Variants in ASTN2 observed in about 807,000 individuals in gnomAD.
ASTN2 encodes the protein astrotactin 2, also known as astrotactin-2.
Under a neutral mutation model 139.8 loss-of-function variants are expected in ASTN2, and 54 were observed. The observed-to-expected ratio is 0.39, with a 90% confidence interval of 0.31 to 0.48. The LOEUF (loss-of-function observed/expected upper bound fraction) is 0.48. ASTN2 is among the 20% of genes least tolerant of loss of function. The pLI is 0.95. For synonymous variants in ASTN2, 756 were observed against 719.5 expected (o/e 1.05, Z -0.81); for missense variants, 1,565 against 1,725.1 (o/e 0.91, Z 1.64).
Position 116,962,415 on chromosome 9 carries a change from C to G in ASTN2, c.1889+12793G>C, listed in dbSNP as rs923671937. Among the ~76,000 whole-genome samples the G allele has an allele frequency of 2.6e-5, 4 of 152,314 alleles. No individual in the cohort carries two copies. In the East Asian group the frequency reaches 7.7e-4, roughly 29 times the overall value. The stretch of plus-strand genomic sequence containing the variant: ...GCTTCAAAAGATGCCCCATAGGAAC[C>G]AAATCCCTCATTTTCTGATGTTTGG... On this transcript the variant is annotated intron_variant, in intron 10 of 22. Transcript: ENST00000313400.
At chr9:117,060,415 A>AAGGAAAGG (rs1554774078) in intron 5 of ASTN2, among the ~76,000 whole-genome samples, 4 of 30,226 alleles carry the variant, frequency 1.3e-4, no homozygotes, top group East Asian at 1.1e-3. Flanking sequence ...AGAAAGAAGG[A>AAGGAAAGG]AAGGAAGGAA....
At chr9:116,739,163 T>C (rs1003780575) in intron 13 of ASTN2, among the ~76,000 whole-genome samples, 4 of 151,886 alleles carry the variant, frequency 2.6e-5, no homozygotes, top group African/African-American at 9.7e-5. Context: ...CAGTGAGAGG[T>C]CTCCTTCATT....
At chr9:116,900,870 T>G (rs1833991120) in intron 10 of ASTN2, among the ~76,000 whole-genome samples, 1 of 152,222 alleles carries the variant, frequency 6.6e-6, no homozygotes, top group Non-Finnish European at 1.5e-5. Context: ...ACTGCTTCTC[T>G]ACGGGCTTTA....
At chr9:116,862,807 T>TACACACACACACACACAC (rs751612533) in intron 11 of ASTN2, among the ~76,000 whole-genome samples, 4 of 90,918 alleles carry the variant, frequency 4.4e-5, no homozygotes, top group African/African-American at 1.7e-4. Context: ...CACACACAAA[T>TACACACACACACACACAC]ACACACACAC....
At chr9:117,372,905 C>T (rs77662806) in intron 1 of ASTN2, among the ~76,000 whole-genome samples, 5 of 151,976 alleles carry the variant, frequency 3.3e-5, no homozygotes, top group Non-Finnish European at 7.4e-5. Flanking sequence ...GATTTGGAAC[C>T]GGAATATTTC....
At chr9:117,078,928 G>T (rs887998106) in intron 5 of ASTN2, among the ~76,000 whole-genome samples, 18 of 151,988 alleles carry the variant, frequency 1.2e-4, no homozygotes, top group African/African-American at 4.3e-4. Flanking sequence ...TAGAGAGGGG[G>T]TTTCACCATA....
At chr9:116,855,959 T>G (rs191735995) in intron 11 of ASTN2, among the ~76,000 whole-genome samples, 24 of 152,286 alleles carry the variant, frequency 1.6e-4, no homozygotes, top group African/African-American at 5.1e-4. Context: ...TTTAATAATA[T>G]TAGGCCTAGT....
At chr9:117,375,476 C>T (rs1201505652) in intron 1 of ASTN2, among the ~76,000 whole-genome samples, 2 of 152,186 alleles carry the variant, frequency 1.3e-5, no homozygotes, top group Non-Finnish European at 2.9e-5. Context: ...ATAATAACTT[C>T]CACGAGCAAG....
chr9:117,017,958 TAA>T (rs10649974), intron 6 of ASTN2, among the ~76,000 whole-genome samples: 4 of 142,508 alleles, frequency 2.8e-5, no homozygotes, highest in Admixed American at 7.0e-5. Context: ...TCAGTCTCAT[TAA>T]AAAAAAAAAA....
rs188402952 is a variant in ASTN2, at chr9:117,258,391, C to T, written c.630+32935G>A. ...CAGCTCAGCCTCTCAACGCACAACT[C>T]AGACTCAAAAGTGGGTTACTCATCT... On this transcript the variant is annotated intron_variant, in intron 2 of 22. Coordinates refer to ENST00000313400, the MANE Select transcript of ASTN2 (RefSeq NM_001365068.1). 5.8e-4 allele frequency among the ~76,000 whole-genome samples: 88 copies of T among 152,306 alleles called. 1 individual carries two copies. Among genetic ancestry groups the T allele is most frequent in the Admixed American group, 5.8e-3 (88 of 15,300 alleles).
chr9:116,450,204 C>G (rs916014367), intron 20 of ASTN2, among the ~76,000 whole-genome samples: 1 of 152,134 alleles, frequency 6.6e-6, no homozygotes, highest in African/African-American at 2.4e-5. Context: ...TTTTGGTTTG[C>G]TTTGAATGCA....
At chr9:116,997,184 T>C (rs1040516040) in intron 7 of ASTN2, among the ~76,000 whole-genome samples, 1 of 152,178 alleles carries the variant, frequency 6.6e-6, no homozygotes, top group Non-Finnish European at 1.5e-5. Flanking sequence ...GTCTCTTTTG[T>C]AGTTTACCCT....
At chr9:117,114,300 G>T (rs1294703275) in intron 4 of ASTN2, among the ~76,000 whole-genome samples, 1 of 152,062 alleles carries the variant, frequency 6.6e-6, no homozygotes, top group Non-Finnish European at 1.5e-5. Context: ...CTTATTGTTG[G>T]TCAGACTTAC....
intron 16 of ASTN2, chr9:116,687,339 G>C: frequency 8.8e-6 from 8 of 910,014 alleles, no homozygotes; most frequent in Non-Finnish European, 1.1e-5. Context: ...AGGCAGGCGG[G>C]TGGGCTGCCG....
chr9:116,701,337 T>G (rs1335916478), intron 16 of ASTN2: 4 of 164,542 alleles, frequency 2.4e-5, no homozygotes, highest in Non-Finnish European at 5.9e-5. Flanking sequence ...AAGCCCCATA[T>G]TCTGATTATG....
At chr9:116,691,430 GT>G (rs10712697) in intron 16 of ASTN2, among the ~76,000 whole-genome samples, 1,686 of 152,268 alleles carry the variant, frequency 0.011, 30 homozygotes, top group African/African-American at 0.039. Context: ...AGGTCCTGCA[GT>G]TTTAGAGGAA....
chr9:116,977,259 C>A (rs1368300222), intron 7 of ASTN2, among the ~76,000 whole-genome samples: 1 of 152,136 alleles, frequency 6.6e-6, no homozygotes, highest in Non-Finnish European at 1.5e-5. Flanking sequence ...CTCCAAGAAA[C>A]CTTTGATTTC....
intron 4 of ASTN2, among the ~76,000 whole-genome samples, chr9:117,124,857 T>A (rs1469344235): frequency 4.0e-5 from 6 of 151,512 alleles, no homozygotes; most frequent in Non-Finnish European, 7.4e-5. Context: ...CAGGTTCTGT[T>A]ACTTTCCAGC....
chr9:116,804,400 T>C (rs1229591882), intron 13 of ASTN2, among the ~76,000 whole-genome samples: 1 of 152,140 alleles, frequency 6.6e-6, no homozygotes, highest in Non-Finnish European at 1.5e-5. Context: ...GAAATTATCT[T>C]GGCTCTCCTA....
Sources: gnomAD v4.1 joint callset for allele counts (sites outside exome capture counted in the v4.1 genomes callset) on GRCh38, gnomAD v4.1.1 for gene constraint, MANE v1.5 for transcripts, NCBI Gene and HGNC (gene_info 2026-07-23, HGNC 2026-07-21) for gene names.